Variants in AOAH observed in about 807,000 individuals in gnomAD.
AOAH encodes acyloxyacyl hydrolase.
AOAH carries 64 observed loss-of-function variants against 92.2 expected under a neutral mutation model. The ratio of observed to expected loss-of-function variants is 0.69; its 90% CI spans 0.57 to 0.86. The LOEUF is 0.86. AOAH is among the 40% of genes least tolerant of loss of function. AOAH has a pLI of 0.00. For missense variants in AOAH, 656 were observed against 694.6 expected, an observed-to-expected ratio of 0.94 and a Z score of 0.62; for synonymous variants, 263 against 254.5, an observed-to-expected ratio of 1.03 and a Z score of -0.32.
chr7:36,560,316 C>T (rs988913995), intron 13 of AOAH, among the ~76,000 whole-genome samples: 6 of 152,074 alleles, frequency 3.9e-5, no homozygotes, highest in African/African-American at 9.7e-5. Flanking sequence ...CTATAGATTG[C>T]TTTGGGCAGT....
intron 1 of AOAH, among the ~76,000 whole-genome samples, chr7:36,694,725 A>AT (rs1244008733): frequency 6.6e-6 from 1 of 152,158 alleles, no homozygotes; most frequent in African/African-American, 2.4e-5. Context: ...TAATCAATCG[A>AT]TTTTTTCTTT....
At chr7:36,538,534 T>G (rs1474952187) in intron 16 of AOAH, among the ~76,000 whole-genome samples, 6 of 152,152 alleles carry the variant, frequency 3.9e-5, no homozygotes, top group Non-Finnish European at 1.5e-5. Context: ...AAAATGGAAG[T>G]CAAGTCGCTA....
intron 1 of AOAH, among the ~76,000 whole-genome samples, chr7:36,719,277 G>A (rs1006492177): frequency 9.2e-5 from 14 of 152,192 alleles, no homozygotes; most frequent in African/African-American, 3.1e-4. Context: ...TGGCTGAAGA[G>A]CACTTGGCTG....
In AOAH at chr7:36,659,211, T is replaced by A. The variant is rs1584051177; in HGVS notation, c.345A>T (p.Lys115Asn). The A allele has an allele frequency of 6.2e-7, 1 of 1,613,946 alleles. No individual in the cohort carries two copies. Among genetic ancestry groups the A allele is most frequent in the African/African-American group, 1.3e-5 (1 of 74,900 alleles). Reference sequence around the variant, plus strand: ...GACACAATGGTTGGCCAGTGTTCTGTTTACAAAACTCCAGAGTGTGACATA... The same window carrying A: ...GACACAATGGTTGGCCAGTGTTCTGATTACAAAACTCCAGAGTGTGACATA... ...DVVCHTLEFC[K>N]QNTGQPLCHL... Residue 115 changes from lysine to asparagine, a missense_variant, in exon 4 of 21, where the codon AAA (lysine) becomes AAT (asparagine). By Grantham distance (94) the Lys-to-Asn change is moderately conservative. Coordinates refer to ENST00000617537, the MANE Select transcript of AOAH (RefSeq NM_001637.4).
intron 4 of AOAH, among the ~76,000 whole-genome samples, chr7:36,643,603 T>C (rs1227964269): frequency 6.6e-6 from 1 of 152,228 alleles, no homozygotes; most frequent in Non-Finnish European, 1.5e-5. Flanking sequence ...CAGTTGTTCA[T>C]TCTATTCATT....
intron 12 of AOAH, among the ~76,000 whole-genome samples, chr7:36,577,381 G>A (rs1000501810): frequency 2.0e-5 from 3 of 152,174 alleles, no homozygotes; most frequent in East Asian, 1.9e-4. Context: ...ATGGGAATAA[G>A]GTTGACGTTG....
chr7:36,654,416 G>T (rs184986494), intron 4 of AOAH, among the ~76,000 whole-genome samples: 5 of 152,276 alleles, frequency 3.3e-5, no homozygotes, highest in Middle Eastern at 6.8e-3. Context: ...AGTAGATAGT[G>T]GTAGGGAGAC....
intron 6 of AOAH, among the ~76,000 whole-genome samples, chr7:36,628,667 G>A (rs1218086627): frequency 1.3e-5 from 2 of 152,214 alleles, no homozygotes; most frequent in African/African-American, 2.4e-5. Context: ...GAGCTGGAAC[G>A]CGTCCCTGGG....
intron 12 of AOAH, among the ~76,000 whole-genome samples, chr7:36,587,763 T>G (rs1486980446): frequency 6.6e-6 from 1 of 152,204 alleles, no homozygotes; most frequent in East Asian, 1.9e-4. Flanking sequence ...AGCTCAAATT[T>G]TATGATTTTC....
At chr7:36,524,517 C>CA (rs1368635283) in intron 19 of AOAH, among the ~76,000 whole-genome samples, 3 of 128,566 alleles carry the variant, frequency 2.3e-5, no homozygotes, top group Non-Finnish European at 3.3e-5. Flanking sequence ...AAAAAAAAAA[C>CA]AAAAAAAAAT....
intron 11 of AOAH, among the ~76,000 whole-genome samples, chr7:36,602,672 C>T (rs1466228660): frequency 6.6e-6 from 1 of 152,000 alleles, no homozygotes. Context: ...CTTCTGATAC[C>T]TTTGATTCTG....
chr7:36,616,524 A>T, intron 10 of AOAH, 50 bp from the exon 11 acceptor site: 1 of 1,491,330 alleles, frequency 6.7e-7, no homozygotes. Flanking sequence ...GTAGTTTGGA[A>T]CCTCCAGACT....
chr7:36,586,051 G>C (rs1372530234), intron 12 of AOAH, among the ~76,000 whole-genome samples: 1 of 152,080 alleles, frequency 6.6e-6, no homozygotes. Flanking sequence ...GGTCCGTCTT[G>C]CCCAAGGATG....
At chr7:36,643,612 T>C (rs191373792) in intron 4 of AOAH, among the ~76,000 whole-genome samples, 232 of 152,334 alleles carry the variant, frequency 1.5e-3, no homozygotes, top group African/African-American at 5.4e-3. Context: ...ATTCTATTCA[T>C]TTATTTTACA....
chr7:36,556,391 G>C (rs898406397), intron 13 of AOAH, among the ~76,000 whole-genome samples: 4 of 152,036 alleles, frequency 2.6e-5, no homozygotes, highest in African/African-American at 7.3e-5. Flanking sequence ...GCTGAGGAGA[G>C]CTTTACTTCC....
intron 12 of AOAH, among the ~76,000 whole-genome samples, chr7:36,580,202 T>G (rs767264430): frequency 6.6e-6 from 1 of 152,236 alleles, no homozygotes; most frequent in African/African-American, 2.4e-5. Flanking sequence ...TTTCTCTTTT[T>G]TCCCTACAAC....
chr7:36,719,452 T>A (rs1462727308), intron 1 of AOAH, among the ~76,000 whole-genome samples: 2 of 152,194 alleles, frequency 1.3e-5, no homozygotes, highest in African/African-American at 4.8e-5. Context: ...TAAAAATGGA[T>A]GAAACCCAAC....
chr7:36,696,778 T>G (rs957831541), intron 1 of AOAH, among the ~76,000 whole-genome samples: 4 of 151,998 alleles, frequency 2.6e-5, no homozygotes, highest in Admixed American at 1.3e-4. Flanking sequence ...GAGAATTGCT[T>G]GAGCCGAGAC....
chr7:36,582,063 T>C (rs1431416200), intron 12 of AOAH, among the ~76,000 whole-genome samples: 3 of 152,238 alleles, frequency 2.0e-5, no homozygotes, highest in African/African-American at 7.2e-5. Flanking sequence ...CTTGTAGTCA[T>C]AGGACAAGCT....
Sources: gnomAD v4.1 joint callset for allele counts (sites outside exome capture counted in the v4.1 genomes callset) on GRCh38, gnomAD v4.1.1 for gene constraint, MANE v1.5 for transcripts, NCBI Gene and HGNC (gene_info 2026-07-23, HGNC 2026-07-21) for gene names.